Variants in KRABD3 observed in about 807,000 individuals in gnomAD.
KRABD3 encodes KRAB domain containing 3.
the KRABD3 span, chr7:149,731,716 C>G: frequency 9.9e-6 from 16 of 1,612,282 alleles, no homozygotes; most frequent in African/African-American, 2.0e-4. Context: ...GGAGAAAAGG[C>G]CCAGGGTTAG....
At chr7:149,730,525 C>A in the KRABD3 span, 4 of 1,611,572 alleles carry the variant, frequency 2.5e-6, no homozygotes, top group African/African-American at 5.3e-5. Context: ...CTGGTGAAGA[C>A]CCCAGGAGAA....
At chr7:149,718,418 T>G in the KRABD3 span, among the ~76,000 whole-genome samples, 8 of 152,188 alleles carry the variant, frequency 5.3e-5, no homozygotes, top group Admixed American at 3.9e-4. Context: ...TTTGCTTAAT[T>G]TGCACAGTTA....
the KRABD3 span, chr7:149,723,782 A>G: frequency 2.5e-6 from 4 of 1,613,952 alleles, no homozygotes; most frequent in South Asian, 3.3e-5. Context: ...GGTCTGCTAC[A>G]CTGTCTGAAG....
chr7:149,723,676 T>G, the KRABD3 span: 1 of 1,551,424 alleles, frequency 6.4e-7, no homozygotes, highest in African/African-American at 1.4e-5. Context: ...TGTTTGTTGT[T>G]TGTCATGAAG....
the KRABD3 span, chr7:149,729,559 C>T: frequency 2.0e-6 from 2 of 985,478 alleles, no homozygotes; most frequent in Non-Finnish European, 2.4e-6. Flanking sequence ...AAAGTGCTGA[C>T]AAGGAGCGGG....
the KRABD3 span, among the ~76,000 whole-genome samples, chr7:149,727,715 C>T: frequency 6.6e-6 from 1 of 152,242 alleles, no homozygotes; most frequent in Admixed American, 6.5e-5. Context: ...GTAACCCAAA[C>T]TGCAGGATAT....
the KRABD3 span, among the ~76,000 whole-genome samples, chr7:149,732,494 C>T: frequency 9.2e-5 from 14 of 152,300 alleles, no homozygotes; most frequent in South Asian, 2.7e-3. This position sits in a 1 kb window ranked among gnomAD's most constrained non-coding sequence, Gnocchi z 4.0. Context: ...ACCATCTCTG[C>T]GCCCGGCCTG....
At chr7:149,725,509 C>A in the KRABD3 span, 1 of 1,585,172 alleles carries the variant, frequency 6.3e-7, no homozygotes, top group Non-Finnish European at 8.6e-7. Flanking sequence ...GCCATGGGCG[C>A]GGGGTGGCAT....
the KRABD3 span, chr7:149,719,320 A>G: frequency 1.6e-4 from 68 of 428,808 alleles, no homozygotes; most frequent in Non-Finnish European, 2.6e-4. This position sits in a 1 kb window ranked among gnomAD's most constrained non-coding sequence, Gnocchi z 5.6. Context: ...CTCTGTTTCT[A>G]AATAAGGTCC....
chr7:149,723,895 G>A, the KRABD3 span: 1 of 1,612,586 alleles, frequency 6.2e-7, no homozygotes, highest in Non-Finnish European at 8.5e-7. Flanking sequence ...TGGAGGTAAA[G>A]GCTTCTCGCT....
At chr7:149,726,166 G>A in the KRABD3 span, 95 of 1,025,364 alleles carry the variant, frequency 9.3e-5, no homozygotes, top group Non-Finnish European at 1.3e-5. Context: ...CCCGTGCTGG[G>A]AGCAGAGCCA....
At chr7:149,733,152 A>T in the KRABD3 span, 2 of 1,530,866 alleles carry the variant, frequency 1.3e-6, no homozygotes, top group South Asian at 2.6e-5. Flanking sequence ...ACCTCTGGGG[A>T]GAGAAAGGTC....
At chr7:149,728,695 C>T in the KRABD3 span, 3 of 1,611,214 alleles carry the variant, frequency 1.9e-6, no homozygotes, top group Non-Finnish European at 1.7e-6. Flanking sequence ...GCTGCCGGGG[C>T]CCTGGGTGTA....
At chr7:149,732,432 C>T in the KRABD3 span, among the ~76,000 whole-genome samples, 39 of 152,180 alleles carry the variant, frequency 2.6e-4, no homozygotes, top group African/African-American at 8.2e-4. The surrounding 1 kb of genome is among the most constrained non-coding windows in gnomAD (Gnocchi z 4.0). Context: ...CTGGAGGTGC[C>T]GAAAAGAGCA....
the KRABD3 span, chr7:149,719,654 G>T: frequency 1.2e-6 from 2 of 1,607,822 alleles, no homozygotes; most frequent in South Asian, 1.1e-5. The surrounding 1 kb of genome is among the most constrained non-coding windows in gnomAD (Gnocchi z 5.6). Flanking sequence ...GGAGAACTAC[G>T]AGACGCTGGT....
At chr7:149,723,606 G>T in the KRABD3 span, 1 of 877,868 alleles carries the variant, frequency 1.1e-6, no homozygotes, top group East Asian at 2.7e-5. Flanking sequence ...GGAAGACTCA[G>T]CGAGCCACTG....
At chr7:149,715,259 C>T in the KRABD3 span, 4 of 1,218,878 alleles carry the variant, frequency 3.3e-6, no homozygotes, top group South Asian at 4.3e-5. Context: ...CCGGTACCCA[C>T]GGCCCAGTCT....
At chr7:149,723,586 C>G in the KRABD3 span, 1 of 737,490 alleles carries the variant, frequency 1.4e-6, no homozygotes, top group East Asian at 2.7e-5. Context: ...GTGTGTGGAC[C>G]CAGGCACTGG....
the KRABD3 span, chr7:149,730,152 GC>G: frequency 6.6e-7 from 1 of 1,521,348 alleles, no homozygotes; most frequent in South Asian, 1.3e-5. Context: ...CCCAGGGTCT[GC>G]CCCCAAGCCC....
Sources: gnomAD v4.1 joint callset for allele counts (sites outside exome capture counted in the v4.1 genomes callset) on GRCh38, gnomAD v4.1.1 for gene constraint, Gnocchi (gnomAD v3.1) non-coding constraint, MANE v1.5 for transcripts, NCBI Gene and HGNC (gene_info 2026-07-23, HGNC 2026-07-21) for gene names.